The following COL4A4 variants were observed in gnomAD, a reference collection of about 807,000 sequenced individuals.
COL4A4 encodes collagen alpha-4(IV) chain.
A neutral mutation model predicts 192.9 loss-of-function variants in COL4A4; 105 were observed. That is an observed-to-expected ratio of 0.54 (90% CI 0.46 to 0.64). The LOEUF is 0.64. Among genes scored for constraint, COL4A4 ranks in the 30% least tolerant of loss-of-function variants. The pLI is 0.00. For missense variants in COL4A4, 1,967 were observed against 2,169.3 expected (o/e 0.91, Z 1.85); for synonymous variants, 762 against 769.9 (o/e 0.99, Z 0.17).
chr2:227,037,139 G>C (rs984911358), intron 37 of COL4A4, among the ~76,000 whole-genome samples: 11 of 152,128 alleles, frequency 7.2e-5, no homozygotes, highest in Non-Finnish European at 1.3e-4. Flanking sequence ...AGAATGTGCA[G>C]GTTTTTTACA....
chr2:226,979,143 G>A, the COL4A4 span, among the ~76,000 whole-genome samples: 18 of 152,094 alleles, frequency 1.2e-4, no homozygotes, highest in African/African-American at 2.2e-4. Flanking sequence ...CAGCGCAGCC[G>A]TCAGTCTGAG....
chr2:226,973,021 T>C, the COL4A4 span, among the ~76,000 whole-genome samples: 2 of 152,104 alleles, frequency 1.3e-5, no homozygotes, highest in African/African-American at 4.8e-5. Flanking sequence ...AGGCCTGGAC[T>C]TCAAAGTAGA....
At chr2:227,152,566 C>A (rs367784007) in intron 1 of COL4A4, among the ~76,000 whole-genome samples, 2 of 152,196 alleles carry the variant, frequency 1.3e-5, no homozygotes, top group African/African-American at 4.8e-5. Context: ...GCCTAAGATG[C>A]AACTGCTAGA....
At chr2:227,046,058 A>AATATATAT in intron 35 of COL4A4, among the ~76,000 whole-genome samples, 1 of 139,340 alleles carries the variant, frequency 7.2e-6, no homozygotes. Flanking sequence ...ATACTATCTA[A>AATATATAT]ACATATATAC....
intron 19 of COL4A4, among the ~76,000 whole-genome samples, chr2:227,098,124 C>CT (rs1559615844): frequency 6.6e-6 from 1 of 152,078 alleles, no homozygotes; most frequent in African/African-American, 2.4e-5. Context: ...GGGAAGAAGA[C>CT]TTTTTTAAAG....
rs1974006987 is a variant in COL4A4 at position 227,051,128 on chromosome 2, C to T, written c.2999G>A (p.Arg1000Lys). ...TCCGTATCTTCCCGGCTCTCCTCTT[C>T]TCCCTTGCATCCCGGGAGTTCCTTT... ...GDKGTPGMQG[R>K]RGEPGRYGPP... is the part of the protein sequence containing the mutation. Residue 1000 changes from arginine to lysine, a missense_variant, in exon 33 of 48, where the codon AGA becomes AAA. Transcript: ENST00000396625. 6.2e-7 allele frequency: 1 copy of T among 1,614,172 alleles called. No individual in the cohort carries two copies. The highest frequency in any genetic ancestry group is 8.5e-7 in the Non-Finnish European group (1 of 1,180,014).
chr2:227,068,451 T>C (rs2058491967), intron 25 of COL4A4, among the ~76,000 whole-genome samples: 2 of 152,196 alleles, frequency 1.3e-5, no homozygotes, highest in African/African-American at 2.4e-5. Flanking sequence ...TTGATGAACA[T>C]TGATGCAAAA....
At chr2:227,105,399 C>T (rs909297183) in intron 12 of COL4A4, among the ~76,000 whole-genome samples, 9 of 151,772 alleles carry the variant, frequency 5.9e-5, no homozygotes, top group African/African-American at 2.2e-4. Context: ...GCCATGTTGG[C>T]CAGGCTGGTC....
chr2:227,160,623 G>A (rs1199173660), intron 1 of COL4A4, among the ~76,000 whole-genome samples: 6 of 152,154 alleles, frequency 3.9e-5, no homozygotes, highest in Non-Finnish European at 8.8e-5. Context: ...ATAATGATAA[G>A]CCTCTGGACT....
chr2:227,041,651 AAAAGAAAAGG>A (rs1041862779), intron 37 of COL4A4, among the ~76,000 whole-genome samples: 4 of 149,152 alleles, frequency 2.7e-5, no homozygotes, highest in African/African-American at 5.0e-5. Flanking sequence ...AAAAAAAGAA[AAAAGAAAAGG>A]AAAGAAAAGG....
chr2:227,154,966 G>C (rs776167054), intron 1 of COL4A4, among the ~76,000 whole-genome samples: 1 of 152,110 alleles, frequency 6.6e-6, no homozygotes, highest in Non-Finnish European at 1.5e-5. Context: ...AGGTTGGTTT[G>C]AGCTCTTTAG....
chr2:227,018,277 G>T (rs1482089825), intron 44 of COL4A4, among the ~76,000 whole-genome samples: 1 of 152,080 alleles, frequency 6.6e-6, no homozygotes, highest in African/African-American at 2.4e-5. Context: ...TCTTGCCCAG[G>T]CTGGAGTGGT....
At chr2:227,084,892 G>A (rs2059507188) in intron 22 of COL4A4, among the ~76,000 whole-genome samples, 1 of 152,136 alleles carries the variant, frequency 6.6e-6, no homozygotes, top group Non-Finnish European at 1.5e-5. Flanking sequence ...AGCACTTTGG[G>A]AGGCTGAAGT....
chr2:226,998,129 G>A (rs1959926665), downstream of COL4A4: 1 of 152,194 alleles, frequency 6.6e-6, no homozygotes, highest in Non-Finnish European at 1.5e-5. Flanking sequence ...CAACTTAAGC[G>A]ACCTTTTAAT....
At chr2:227,159,021 T>C (rs1163844545) in intron 1 of COL4A4, among the ~76,000 whole-genome samples, 1 of 152,222 alleles carries the variant, frequency 6.6e-6, no homozygotes, top group Non-Finnish European at 1.5e-5. Context: ...ATATTCATAG[T>C]AGCTTGATTT....
At chr2:226,995,515 G>A in the COL4A4 span, 1 of 1,608,712 alleles carries the variant, frequency 6.2e-7, no homozygotes, top group Non-Finnish European at 8.5e-7. Context: ...AGATTCGATA[G>A]CCAGTGAGGT....
the COL4A4 span, among the ~76,000 whole-genome samples, chr2:226,970,418 C>G: frequency 6.6e-6 from 1 of 152,066 alleles, no homozygotes; most frequent in African/African-American, 2.4e-5. Context: ...TAACCTTTGT[C>G]TCATGATATG....
chr2:227,154,625 C>G (rs905883097), intron 1 of COL4A4, among the ~76,000 whole-genome samples: 2 of 152,198 alleles, frequency 1.3e-5, no homozygotes, highest in African/African-American at 4.8e-5. Context: ...GACACTGAGC[C>G]ATCTGAATAC....
downstream of COL4A4, among the ~76,000 whole-genome samples, chr2:227,002,219 C>T (rs1961170760): frequency 6.7e-6 from 1 of 149,938 alleles, no homozygotes; most frequent in East Asian, 1.9e-4. Context: ...TGAATATCTG[C>T]ACTCCACCTA....
Sources: allele counts gnomAD v4.1 joint callset (sites outside exome capture counted in the v4.1 genomes callset), GRCh38; gene constraint gnomAD v4.1.1; transcripts MANE v1.5; gene names NCBI Gene and HGNC (gene_info 2026-07-23, HGNC 2026-07-21).